The following PCDHGB4 variants were observed in gnomAD, a reference collection of about 807,000 sequenced individuals.
PCDHGB4 encodes protocadherin gamma-B4.
In PCDHGB4, 38 loss-of-function variants were observed where a neutral mutation model predicts 60.5. The ratio of observed to expected loss-of-function variants is 0.63; its 90% confidence interval spans 0.48 to 0.82. PCDHGB4 has a LOEUF of 0.82. Ranked by LOEUF, PCDHGB4 falls within the 40% of genes least tolerant of loss-of-function variation. The pLI, the probability that PCDHGB4 is intolerant of heterozygous loss-of-function variation, is 0.00. For synonymous variants in PCDHGB4, 456 were observed against 509.7 expected, an observed-to-expected ratio of 0.89 and a Z score of 1.42; for missense variants, 1,109 against 1,209.6, an observed-to-expected ratio of 0.92 and a Z score of 1.23.
chr5:141,480,225 G>A (rs1217912404), intron 1 of PCDHGB4, among the ~76,000 whole-genome samples: 1 of 147,152 alleles, frequency 6.8e-6, no homozygotes, highest in East Asian at 2.0e-4. Flanking sequence ...GCGACATAGT[G>A]AGATCCTGTC....
Position 141,432,046 on chromosome 5 carries a change from C to G in PCDHGB4, c.2397+41765C>G, listed in dbSNP as rs1389286417. The G allele has an allele frequency of 6.2e-7, 1 of 1,614,224 alleles. No individual in the cohort carries two copies. The highest frequency in any genetic ancestry group is 2.2e-5 in the East Asian group (1 of 44,886). The stretch of plus-strand genomic sequence containing the variant: ...CAGTGACCGCCACTGACCGGGGAAC[C>G]CCGCCCCTATCCACGGAAACTCATA... On this transcript the variant is annotated intron_variant, in intron 1 of 3. Coordinates refer to ENST00000519479, the MANE Select transcript of PCDHGB4 (RefSeq NM_003736.4). This position sits in a 1 kb window ranked among gnomAD's most constrained non-coding sequence, Gnocchi z 6.0.
At chr5:141,407,547 T>C (rs895082728) in intron 1 of PCDHGB4, among the ~76,000 whole-genome samples, 1 of 151,860 alleles carries the variant, frequency 6.6e-6, no homozygotes, top group Non-Finnish European at 1.5e-5. Flanking sequence ...GGTAACAGAT[T>C]GTAGAACATA....
In PCDHGB4 at chr5:141,489,180, CTGGGTCTACCT is replaced by C. The variant is rs906371381; in HGVS notation, c.2398-5623_2398-5613del. 6.3e-5 allele frequency: 79 copies of C among 1,259,748 alleles called. No individual in the cohort carries two copies. The African/African-American group carries it at 9.3e-4, about 15-fold the overall frequency. 78.0% of individuals were successfully genotyped at this position (1,259,748 alleles called of 1,614,324 possible). ...GACTTCAGCTGCTGCATTCCAAGCCCTGGGTCTACCTTGGAGACAGGACAGCACAGACTTAC... is the reference window on the plus strand; with the variant it reads ...GACTTCAGCTGCTGCATTCCAAGCCCTGGAGACAGGACAGCACAGACTTAC... On this transcript the variant is annotated intron_variant, in intron 1 of 3. Coordinates refer to ENST00000519479, the MANE Select transcript of PCDHGB4 (RefSeq NM_003736.4). This position sits in a 1 kb window ranked among gnomAD's most constrained non-coding sequence, Gnocchi z 4.5.
intron 1 of PCDHGB4, chr5:141,421,700 C>G: frequency 6.2e-7 from 1 of 1,613,900 alleles, no homozygotes; most frequent in Non-Finnish European, 8.5e-7. Context: ...CTTCCTAATG[C>G]TAGGGATCCA....
intron 1 of PCDHGB4, chr5:141,417,266 T>C (rs2096102700): frequency 6.6e-6 from 1 of 152,184 alleles, no homozygotes; most frequent in Non-Finnish European, 1.5e-5. Context: ...CATAGATAAT[T>C]ACTCTTAAAA....
At position 141,511,855 on chromosome 5, in the gene PCDHGB4, ATTGT is replaced by A. The variant is rs2099883980; in HGVS notation, c.*686_*689del. ...GGACCAGTCTTCTGTTTTGTTTTTCATTGTTTGACGTTTCCACTGCATGCCTTGA... is the reference window on the plus strand; with the variant it reads ...GGACCAGTCTTCTGTTTTGTTTTTCATTGACGTTTCCACTGCATGCCTTGA... On this transcript the variant is annotated 3_prime_UTR_variant, in exon 4 of 4. Coordinates refer to ENST00000519479, the MANE Select transcript of PCDHGB4 (RefSeq NM_003736.4). 1 of 156,316 alleles carries A rather than the reference ATTGT, an allele frequency of 6.4e-6. No individual in the cohort carries two copies. Among genetic ancestry groups the A allele is most frequent in the South Asian group, 2.0e-4 (1 of 5,082 alleles). The allele number at this position is 156,316 out of a possible 1,614,324, so 9.7% of individuals were successfully genotyped here.
intron 1 of PCDHGB4, chr5:141,424,031 T>G (rs2096796228): frequency 1.9e-6 from 2 of 1,036,050 alleles, no homozygotes; most frequent in African/African-American, 3.4e-5. Flanking sequence ...AAACACTTTT[T>G]ATTTCCATTT....
intron 1 of PCDHGB4, chr5:141,409,635 AC>A: frequency 6.2e-7 from 1 of 1,613,784 alleles, no homozygotes; most frequent in Non-Finnish European, 8.5e-7. Context: ...AGCGCCTCTG[AC>A]CCGGATTTGG....
chr5:141,502,402 A>T (rs1317862793), intron 2 of PCDHGB4, among the ~76,000 whole-genome samples: 1 of 151,976 alleles, frequency 6.6e-6, no homozygotes, highest in Admixed American at 6.6e-5. Flanking sequence ...AATGTCCCCG[A>T]ACCTGGATTT....
chr5:141,409,990 C>A (rs377295503), intron 1 of PCDHGB4: 26 of 1,613,278 alleles, frequency 1.6e-5, no homozygotes, highest in Non-Finnish European at 2.2e-5. Flanking sequence ...CGGTGGACGC[C>A]GACTCGGGAC....
At chr5:141,398,942 G>A (rs748252181) in intron 1 of PCDHGB4, 2 of 1,613,884 alleles carry the variant, frequency 1.2e-6, no homozygotes, top group South Asian at 1.1e-5. Context: ...CAAGACGAGG[G>A]CATCAACTCA....
intron 1 of PCDHGB4, among the ~76,000 whole-genome samples, chr5:141,469,031 C>T (rs963001535): frequency 1.3e-5 from 2 of 152,070 alleles, no homozygotes; most frequent in Admixed American, 6.6e-5. Flanking sequence ...AATCCCAGCA[C>T]TTTGGGAGGC....
intron 1 of PCDHGB4, chr5:141,415,739 G>GT (rs1561759437): frequency 3.9e-5 from 17 of 435,138 alleles, no homozygotes; most frequent in African/African-American, 2.3e-4. Flanking sequence ...TGTTTATTAA[G>GT]GTTTTTTTTT....
At chr5:141,430,285 T>C (rs1456678142) in intron 1 of PCDHGB4, among the ~76,000 whole-genome samples, 18 of 151,710 alleles carry the variant, frequency 1.2e-4, no homozygotes, top group Admixed American at 1.2e-3. Flanking sequence ...GGAACAGTAA[T>C]CTCAAAGCAG....
At position 141,389,435 on chromosome 5, in the gene PCDHGB4, C is replaced by T. The variant is rs1403223210; in HGVS notation, c.1551C>T (p.Ala517=). 8.1e-6 allele frequency: 13 copies of T among 1,610,504 alleles called. No individual in the cohort carries two copies. ...AESGVVFAQR[A]FDHEQLRAFE... Reference sequence around the variant, plus strand: ...GCGGGGTGGTGTTCGCGCAGCGCGCCTTCGACCACGAGCAGCTGCGCGCCT... The same window carrying T: ...GCGGGGTGGTGTTCGCGCAGCGCGCTTTCGACCACGAGCAGCTGCGCGCCT... The change falls in exon 1 of 4, where the codon GCC becomes GCT. Residue 517 remains alanine, a synonymous_variant. Transcript: ENST00000519479.
Position 141,388,676 on chromosome 5 carries a change from G to T in PCDHGB4, c.792G>T (p.Val264=). ...NVYPGTTVLQ[V]TATDQDEGVN... ...ACCCGGGGACCACGGTGCTACAGGT[G>T]ACTGCCACGGACCAGGATGAGGGTG... The change falls in exon 1 of 4, where the codon GTG becomes GTT. Residue 264 remains valine (V), a synonymous_variant. Transcript: ENST00000519479. 7.4e-6 allele frequency: 12 copies of T among 1,613,944 alleles called. No individual in the cohort carries two copies. The highest frequency in any genetic ancestry group is 1.0e-5 in the Non-Finnish European group (12 of 1,179,872).
chr5:141,399,018 T>C lies in PCDHGB4; in HGVS notation c.2397+8737T>C. 5 of 1,613,892 alleles carry C rather than the reference T, an allele frequency of 3.1e-6. No individual in the cohort carries two copies. The South Asian group carries it at 3.3e-5, about 11-fold the overall frequency. On this transcript the variant is annotated intron_variant, in intron 1 of 3. Coordinates refer to ENST00000519479, the MANE Select transcript of PCDHGB4 (RefSeq NM_003736.4). ...GTCTGAATTCAAAGAGCGGAGAAATTACCACTCAAAAGAAACTGGATTTTG... is the reference window on the plus strand; with the variant it reads ...GTCTGAATTCAAAGAGCGGAGAAATCACCACTCAAAAGAAACTGGATTTTG...
chr5:141,415,499 C>G (rs2095876120), intron 1 of PCDHGB4: 1 of 1,614,098 alleles, frequency 6.2e-7, no homozygotes, highest in Non-Finnish European at 8.5e-7. Context: ...CTGATCTTCC[C>G]CCAGCCCAAT....
chr5:141,511,537 A>C lies in PCDHGB4; in HGVS notation c.*364A>C. 6.3e-6 allele frequency: 2 copies of C among 319,254 alleles called. No individual in the cohort carries two copies. The highest frequency in any genetic ancestry group is 6.7e-5 in the South Asian group (2 of 29,854). 19.8% of individuals were successfully genotyped at this position (319,254 alleles called of 1,614,324 possible). A position where few individuals can be genotyped will look rare whatever the true frequency, so the allele number is the denominator to read the frequency against. On this transcript the variant is annotated 3_prime_UTR_variant, in exon 4 of 4. Transcript: ENST00000519479. ...TCCATCCCATGCCTCCCTCCTCCCC[A>C]CCCCACTCCAACAGTTCCTCTTTCC... is the stretch of plus-strand genomic sequence containing the variant.
Sources: gnomAD v4.1 joint callset for allele counts (sites outside exome capture counted in the v4.1 genomes callset) on GRCh38, gnomAD v4.1.1 for gene constraint, Gnocchi (gnomAD v3.1) non-coding constraint, MANE v1.5 for transcripts, NCBI Gene and HGNC (gene_info 2026-07-23, HGNC 2026-07-21) for gene names.